The following ZC3H14 variants were observed in gnomAD, a reference collection of about 807,000 sequenced individuals.
ZC3H14 encodes zinc finger CCCH domain-containing protein 14.
A neutral mutation model predicts 92.4 loss-of-function variants in ZC3H14; 31 were observed. That is an observed-to-expected ratio of 0.34 (90% confidence interval 0.25 to 0.45). The LOEUF (loss-of-function observed/expected upper bound fraction) is 0.45, where lower values mean the gene tolerates loss of function less well. Ranked by LOEUF, ZC3H14 falls within the 20% of genes least tolerant of loss-of-function variation. ZC3H14 has a pLI of 1.00. For synonymous variants in ZC3H14, 321 were observed against 300.9 expected (o/e 1.07, Z -0.69); for missense variants, 781 against 897.3 (o/e 0.87, Z 1.66).
At position 88,621,366 on chromosome 14, in the gene ZC3H14, T is replaced by C; in HGVS notation, c.*9615T>C. On this transcript the variant is annotated 3_prime_UTR_variant, in exon 17 of 17. Coordinates refer to ENST00000251038, the MANE Select transcript of ZC3H14 (RefSeq NM_024824.5). ...ACAGCTGCTTTTCTTCTTCATAATA[T>C]AAAAATGACCCTATTGACCTGCTTT... 2 of 1,589,724 alleles carry C rather than the reference T, an allele frequency of 1.3e-6. No homozygotes were observed. Among genetic ancestry groups the C allele is most frequent in the Non-Finnish European group, 1.7e-6 (2 of 1,161,248 alleles).
In ZC3H14 at chr14:88,563,098, G is replaced by A. The variant is rs1468772372; in HGVS notation, c.-36G>A. On this transcript the variant is annotated 5_prime_UTR_variant, in exon 1 of 17. Coordinates refer to ENST00000251038, the MANE Select transcript of ZC3H14 (RefSeq NM_024824.5). Reference sequence around the variant, plus strand: ...GCGGCAGCCTCCGGGTAAGCCAAGCGCCGCGCAGTGCTGAGTTCCCGCACG... The same window carrying A: ...GCGGCAGCCTCCGGGTAAGCCAAGCACCGCGCAGTGCTGAGTTCCCGCACG... 6.4e-7 allele frequency: 1 copy of A among 1,569,826 alleles called. No individual in the cohort carries two copies. The highest frequency in any genetic ancestry group is 8.6e-7 in the Non-Finnish European group (1 of 1,164,090).
Position 88,563,208 on chromosome 14 carries a change from C to A in ZC3H14, c.36+39C>A, listed in dbSNP as rs773274592. 1.9e-6 allele frequency: 3 copies of A among 1,591,550 alleles called. No homozygotes were observed. In the African/African-American group the frequency reaches 4.0e-5, roughly 21 times the overall value. ...CGGTCGGGGGTGGGAAGCCAGGTCT[C>A]GGCGAGCGGGCGGTTGTCAGGAGTA... is the stretch of plus-strand genomic sequence containing the variant. On this transcript the variant is annotated intron_variant, in intron 1 of 16. Coordinates refer to ENST00000251038, the MANE Select transcript of ZC3H14 (RefSeq NM_024824.5).
chr14:88,567,934 C>T, intron 2 of ZC3H14, 105 bp from the exon 3 acceptor site: 3 of 914,586 alleles, frequency 3.3e-6, no homozygotes, highest in Non-Finnish European at 5.3e-6. Flanking sequence ...CAGTAGAGCT[C>T]TGCGACTCTA....
At chr14:88,592,171 C>T (rs919743177) in intron 9 of ZC3H14, 4 of 118,772 alleles carry the variant, frequency 3.4e-5, no homozygotes, top group Non-Finnish European at 6.1e-5. Flanking sequence ...GACCTCTTTC[C>T]TGCTTTTTTC....
At chr14:88,571,568 AC>A (rs969003473) in intron 4 of ZC3H14, among the ~76,000 whole-genome samples, 6 of 152,182 alleles carry the variant, frequency 3.9e-5, no homozygotes, top group Non-Finnish European at 8.8e-5. Flanking sequence ...CCGAAAAATC[AC>A]CTTTGAGATA....
Position 88,609,709 on chromosome 14 carries a change from T to A in ZC3H14, c.2006-3T>A. On this transcript the variant is annotated splice_region_variant and splice_polypyrimidine_tract_variant and intron_variant, in intron 14 of 16. Transcript: ENST00000251038. ...AGATCAGTCCTGGTTTTTATTTTGT[T>A]AGCAGTTGCACCACCAGCACCACCT... 2 of 1,614,166 alleles carry A rather than the reference T, an allele frequency of 1.2e-6. No individual in the cohort carries two copies. Among genetic ancestry groups the A allele is most frequent in the Non-Finnish European group, 1.7e-6 (2 of 1,179,996 alleles).
chr14:88,620,701 A>T lies in ZC3H14; in HGVS notation c.*8950A>T, dbSNP rs2088735179. 3.6e-6 allele frequency: 5 copies of T among 1,391,918 alleles called. No individual in the cohort carries two copies. In the South Asian group the frequency reaches 6.0e-5, roughly 17 times the overall value. 86.2% of individuals were successfully genotyped at this position (1,391,918 alleles called of 1,614,324 possible). A position where few individuals can be genotyped will look rare whatever the true frequency, so the allele number is the denominator to read the frequency against. ...GGCAAGGCTATGGAAAATTTTACAA[A>T]TGGAAGTTAAATCAAGTATATACTA... On this transcript the variant is annotated 3_prime_UTR_variant, in exon 17 of 17. Transcript: ENST00000251038. The surrounding 1 kb of genome is among the most constrained non-coding windows in gnomAD (Gnocchi z 4.3).
rs928193237 is a variant in ZC3H14 at position 88,615,203 on chromosome 14, C to G, written c.*3452C>G. 6.6e-6 allele frequency: 1 copy of G among 152,086 alleles called. No homozygotes were observed. Among genetic ancestry groups the G allele is most frequent in the African/African-American group, 2.4e-5 (1 of 41,412 alleles). 9.4% of individuals were successfully genotyped at this position (152,086 alleles called of 1,614,324 possible). On this transcript the variant is annotated 3_prime_UTR_variant, in exon 17 of 17. Transcript: ENST00000251038. The stretch of plus-strand genomic sequence containing the variant: ...TATACTGCTAACTTTGGATCTGTTC[C>G]TGAATTCAAAACTACTAGGAGAAAA...
intron 3 of ZC3H14, 21 bp from the exon 4 acceptor site, chr14:88,571,063 G>A (rs767932735): frequency 2.6e-6 from 4 of 1,526,730 alleles, no homozygotes; most frequent in Middle Eastern, 1.7e-4. Context: ...GTTTATTTTT[G>A]TTTTTTGTTT....
intron 10 of ZC3H14, among the ~76,000 whole-genome samples, chr14:88,600,652 A>C (rs972432752): frequency 1.3e-5 from 2 of 151,832 alleles, no homozygotes; most frequent in Non-Finnish European, 2.9e-5. Context: ...AGGTCTCACT[A>C]TGTTGCCTAG....
intron 9 of ZC3H14, among the ~76,000 whole-genome samples, chr14:88,581,858 C>T (rs1465828513): frequency 6.6e-6 from 1 of 152,206 alleles, no homozygotes; most frequent in African/African-American, 2.4e-5. Flanking sequence ...TAACTAGTCA[C>T]CTTCTGGAAG....
At chr14:88,569,353 A>G (rs2080103556) in intron 3 of ZC3H14, among the ~76,000 whole-genome samples, 1 of 152,206 alleles carries the variant, frequency 6.6e-6, no homozygotes, top group South Asian at 2.1e-4. Context: ...ATTTTGAGTA[A>G]TAATTGTAGT....
intron 9 of ZC3H14, among the ~76,000 whole-genome samples, chr14:88,579,784 G>A (rs1435022174): frequency 6.6e-6 from 1 of 152,124 alleles, no homozygotes; most frequent in Non-Finnish European, 1.5e-5. Flanking sequence ...AAAGATAAAA[G>A]GGAATAAAAG....
intron 3 of ZC3H14, 114 bp downstream of exon 3, chr14:88,568,267 TTG>T: frequency 2.4e-6 from 2 of 820,542 alleles, no homozygotes; most frequent in Non-Finnish European, 4.1e-6. Context: ...GAGAGGCAGT[TTG>T]TGAGTGATGA....
At position 88,578,087 on chromosome 14, in the gene ZC3H14, G is replaced by C. The variant is rs1830562203; in HGVS notation, c.1226G>C (p.Ser409Thr). 1.2e-6 allele frequency: 2 copies of C among 1,613,838 alleles called. No homozygotes were observed. The highest frequency in any genetic ancestry group is 2.7e-5 in the African/African-American group (2 of 74,840). Residue 409 changes from serine (S) to threonine (T), a missense_variant, in exon 9 of 17, where the codon AGT becomes ACT. Around this residue, in one of 3 missense-constraint regions of ZC3H14, gnomAD observed 454 missense variants for 438.5 expected, o/e 1.04. Transcript: ENST00000251038. ...GGACAAAGTAGGACCCCCAGAATAA[G>C]TCCCCCCATTAAAGAAGAGGAAACA... ...VQGQSRTPRI[S>T]PPIKEEETKG... is the part of the protein sequence containing the mutation.
rs1595211213 is a variant in ZC3H14, at chr14:88,621,401, T to C, written c.*9650T>C. ...CCTATTGACCTGCTTTCAGAGAACT[T>C]TTTGCTTTGAGCTAATCTAGTAGCA... is the stretch of plus-strand genomic sequence containing the variant. On this transcript the variant is annotated 3_prime_UTR_variant, in exon 17 of 17. Transcript: ENST00000251038. The C allele has an allele frequency of 6.8e-7, 1 of 1,469,976 alleles. No homozygotes were observed. The allele number at this position is 1,469,976 out of a possible 1,614,324, so 91.1% of individuals were successfully genotyped here.
intron 11 of ZC3H14, 127 bp downstream of exon 11, chr14:88,602,210 C>T: frequency 1.5e-6 from 2 of 1,298,186 alleles, no homozygotes; most frequent in Non-Finnish European, 2.2e-6. Flanking sequence ...GATTCAGTAG[C>T]TAGCCCATGA....
chr14:88,584,320 TAAAC>T (rs2082242271), intron 9 of ZC3H14, among the ~76,000 whole-genome samples: 1 of 152,140 alleles, frequency 6.6e-6, no homozygotes, highest in Admixed American at 6.5e-5. Context: ...AACTTGTAGA[TAAAC>T]TATATAGCCT....
intron 10 of ZC3H14, among the ~76,000 whole-genome samples, chr14:88,598,325 C>T (rs1027818683): frequency 6.6e-6 from 1 of 152,204 alleles, no homozygotes; most frequent in Non-Finnish European, 1.5e-5. Flanking sequence ...CAAGACTTTC[C>T]TCTCAGGCTG....
Sources: allele counts gnomAD v4.1 joint callset (sites outside exome capture counted in the v4.1 genomes callset), GRCh38; gene constraint gnomAD v4.1.1; regional missense constraint gnomAD v4.1.1; non-coding constraint Gnocchi (gnomAD v3.1); transcripts MANE v1.5; gene names NCBI Gene and HGNC (gene_info 2026-07-23, HGNC 2026-07-21).